The following CACNA2D1 variants were observed in gnomAD, a reference collection of about 807,000 sequenced individuals.
CACNA2D1 encodes calcium voltage-gated channel auxiliary subunit alpha2delta 1.
Under a neutral mutation model 171.5 loss-of-function variants are expected in CACNA2D1, and 53 were observed. The observed-to-expected ratio is 0.31, with a 90% CI of 0.25 to 0.39. The LOEUF is 0.39. Among genes scored for constraint, CACNA2D1 ranks in the 10% least tolerant of loss-of-function variants. CACNA2D1 has a pLI of 1.00. For missense variants in CACNA2D1, 903 were observed against 1,299.8 expected, an observed-to-expected ratio of 0.69 and a Z score of 4.69; for synonymous variants, 442 against 443.1, an observed-to-expected ratio of 1.00 and a Z score of 0.03.
In CACNA2D1 at chr7:82,256,786, C is replaced by T. The variant is rs116483864; in HGVS notation, c.294+78349G>A. ...TCTGACAAAAGGAAAGCATGAATAACTAAAATAATACGAATCTCTAAGGCA... is the reference window on the plus strand; with the variant it reads ...TCTGACAAAAGGAAAGCATGAATAATTAAAATAATACGAATCTCTAAGGCA... On this transcript the variant is annotated intron_variant, in intron 3 of 38. Transcript: ENST00000356860. Among the ~76,000 whole-genome samples, 1,322 of 152,120 alleles carry T rather than the reference C, an allele frequency of 8.7e-3. 15 individuals are homozygous for T. Among genetic ancestry groups the T allele is most frequent in the African/African-American group, 0.03 (1,238 of 41,522 alleles).
chr7:82,161,536 A>C (rs912831108), intron 4 of CACNA2D1, among the ~76,000 whole-genome samples: 11 of 152,028 alleles, frequency 7.2e-5, no homozygotes, highest in Admixed American at 4.6e-4. Flanking sequence ...GTTGGAATTG[A>C]CAAAATTTGC....
At chr7:82,089,386 T>A (rs1363859894) in intron 6 of CACNA2D1, among the ~76,000 whole-genome samples, 1 of 152,174 alleles carries the variant, frequency 6.6e-6, no homozygotes, top group East Asian at 1.9e-4. Flanking sequence ...AAGATCTTTA[T>A]CCCTGTTAGA....
At chr7:82,142,537 G>T (rs1258820122) in intron 4 of CACNA2D1, among the ~76,000 whole-genome samples, 1 of 152,114 alleles carries the variant, frequency 6.6e-6, no homozygotes, top group African/African-American at 2.4e-5. Context: ...CAGGAATAAG[G>T]CTTAAATATT....
In CACNA2D1 at chr7:82,142,165, A is replaced by C. The variant is rs1158798360; in HGVS notation, c.355-5489T>G. Among the ~76,000 whole-genome samples, 3 of 152,200 alleles carry C rather than the reference A, an allele frequency of 2.0e-5. No individual in the cohort carries two copies. In the East Asian group the frequency reaches 5.8e-4, roughly 29 times the overall value. ...TTTGGAGAGCTATTTTTCATAATTT[A>C]AGCGCCACCAGATGACAAGAACAAA... is the stretch of plus-strand genomic sequence containing the variant. On this transcript the variant is annotated intron_variant, in intron 4 of 38. Coordinates refer to ENST00000356860, the MANE Select transcript of CACNA2D1 (RefSeq NM_000722.4).
chr7:82,358,843 A>G (rs1343206462), intron 1 of CACNA2D1, among the ~76,000 whole-genome samples: 3 of 151,992 alleles, frequency 2.0e-5, no homozygotes, highest in East Asian at 3.9e-4. Flanking sequence ...CTTTTCCACT[A>G]TCTTGGATTG....
chr7:82,403,904 A>G (rs1345757936), intron 1 of CACNA2D1, among the ~76,000 whole-genome samples: 1 of 152,220 alleles, frequency 6.6e-6, no homozygotes, highest in Non-Finnish European at 1.5e-5. Context: ...TTTAGGATTG[A>G]GCTTCCAATA....
At chr7:82,097,633 T>G (rs955551288) in intron 6 of CACNA2D1, among the ~76,000 whole-genome samples, 3 of 152,116 alleles carry the variant, frequency 2.0e-5, no homozygotes, top group African/African-American at 7.2e-5. Context: ...CGTGAGGTGC[T>G]TCTGAGATAT....
At chr7:81,964,017 C>A in intron 34 of CACNA2D1, 39 bp downstream of exon 34, 2 of 1,553,426 alleles carry the variant, frequency 1.3e-6, no homozygotes, top group South Asian at 1.1e-5. Context: ...TTTACAACTT[C>A]TTTCTTTCAT....
chr7:82,280,415 T>G (rs1809936560), intron 3 of CACNA2D1, among the ~76,000 whole-genome samples: 1 of 152,182 alleles, frequency 6.6e-6, no homozygotes, highest in African/African-American at 2.4e-5. Context: ...CTGTGGCATT[T>G]TTTGTTTATG....
intron 10 of CACNA2D1, among the ~76,000 whole-genome samples, chr7:82,048,406 T>A (rs995239384): frequency 1.3e-5 from 2 of 152,030 alleles, no homozygotes; most frequent in Admixed American, 1.3e-4. Flanking sequence ...GTAGAAAAAA[T>A]TGCCAATATT....
At chr7:81,955,609 C>G (rs973005569) in intron 38 of CACNA2D1, among the ~76,000 whole-genome samples, 1 of 151,734 alleles carries the variant, frequency 6.6e-6, no homozygotes, top group African/African-American at 2.4e-5. Context: ...CAAATGTTTT[C>G]TTTTTGGAGA....
At chr7:82,025,599 G>A (rs1360158145) in intron 12 of CACNA2D1, among the ~76,000 whole-genome samples, 1 of 151,606 alleles carries the variant, frequency 6.6e-6, no homozygotes, top group African/African-American at 2.4e-5. Context: ...TCTGCAAAAG[G>A]AGACTATTTA....
rs543588599 is a variant in CACNA2D1 at position 82,134,661 on chromosome 7, T to C, written c.396+1974A>G. ...GGAATCCTTATCCTAAGCATAAATA[T>C]ATAACCCACAGTAGTAGTAGATACT... On this transcript the variant is annotated intron_variant, in intron 5 of 38. Coordinates refer to ENST00000356860, the MANE Select transcript of CACNA2D1 (RefSeq NM_000722.4). Among the ~76,000 whole-genome samples the C allele has an allele frequency of 1.2e-4, 18 of 152,254 alleles. No homozygotes were observed. The East Asian group carries it at 3.5e-3, about 29-fold the overall frequency.
chr7:82,309,941 G>T (rs576955644), intron 3 of CACNA2D1, among the ~76,000 whole-genome samples: 2 of 152,140 alleles, frequency 1.3e-5, no homozygotes, highest in South Asian at 2.1e-4. Context: ...AGTCTTTAAG[G>T]CTTGTTATGT....
At chr7:82,193,206 A>G (rs1187352211) in intron 3 of CACNA2D1, among the ~76,000 whole-genome samples, 1 of 151,992 alleles carries the variant, frequency 6.6e-6, no homozygotes, top group Non-Finnish European at 1.5e-5. Flanking sequence ...GGTACGATAA[A>G]TAATTAAATA....
intron 5 of CACNA2D1, among the ~76,000 whole-genome samples, chr7:82,121,354 T>C (rs921783628): frequency 1.3e-5 from 2 of 152,056 alleles, no homozygotes; most frequent in Non-Finnish European, 2.9e-5. Flanking sequence ...ACCACGCCCA[T>C]CTTGAAAAGC....
chr7:81,980,172 CAAA>C (rs35616922), intron 24 of CACNA2D1, among the ~76,000 whole-genome samples: 9 of 25,252 alleles, frequency 3.6e-4, no homozygotes, highest in South Asian at 3.1e-3. Context: ...TAAAACCAAG[CAAA>C]AAAAAAAAAA....
intron 7 of CACNA2D1, among the ~76,000 whole-genome samples, chr7:82,083,977 A>G (rs1268370810): frequency 6.6e-6 from 1 of 152,176 alleles, no homozygotes; most frequent in Non-Finnish European, 1.5e-5. Flanking sequence ...CAAATTACCT[A>G]GCACGTATCC....
intron 3 of CACNA2D1, among the ~76,000 whole-genome samples, chr7:82,285,026 C>T (rs1208702977): frequency 2.6e-5 from 4 of 152,032 alleles, no homozygotes; most frequent in African/African-American, 4.8e-5. Context: ...CAAATAAGCC[C>T]GGGGCGATGA....
Sources: allele counts gnomAD v4.1 joint callset (sites outside exome capture counted in the v4.1 genomes callset), GRCh38; gene constraint gnomAD v4.1.1; transcripts MANE v1.5; gene names NCBI Gene and HGNC (gene_info 2026-07-23, HGNC 2026-07-21).